KCNIP1: variants seen among roughly 807,000 people sequenced by gnomAD.
KCNIP1 encodes potassium voltage-gated channel interacting protein 1, also known as A-type potassium channel modulatory protein KCNIP1.
Under a neutral mutation model 33.0 loss-of-function variants are expected in KCNIP1, and 18 were observed. That is an observed-to-expected ratio of 0.55 (90% confidence interval 0.38 to 0.81). KCNIP1 has a LOEUF of 0.81. KCNIP1 is among the 30% of genes least tolerant of loss of function. The pLI, the probability that KCNIP1 is intolerant of heterozygous loss-of-function variation, is 0.00. For missense variants in KCNIP1, 238 were observed against 271.6 expected (o/e 0.88, Z 0.87); for synonymous variants, 93 against 98.3 (o/e 0.95, Z 0.32).
At position 170,426,828 on chromosome 5, in the gene KCNIP1, C is replaced by T. The variant is rs527844051; in HGVS notation, c.88+72864C>T. On this transcript the variant is annotated intron_variant, in intron 1 of 7. Coordinates refer to the KCNIP1 transcript ENST00000377360. ...TTCGTAGAGGGTGGAGCTGAGAGCC[C>T]GCCTCCCCTACCAGCCTGCAGAAAG... 3.3e-5 allele frequency among the ~76,000 whole-genome samples: 5 copies of T among 152,352 alleles called. No homozygotes were observed. In the East Asian group the frequency reaches 5.8e-4, roughly 18 times the overall value.
intron 1 of KCNIP1, among the ~76,000 whole-genome samples, chr5:170,368,345 A>G (rs1007158175): frequency 2.9e-4 from 44 of 152,082 alleles, no homozygotes; most frequent in Admixed American, 2.9e-3. Context: ...GCTCACTGCA[A>G]CCTCTGCTTC....
intron 1 of KCNIP1, among the ~76,000 whole-genome samples, chr5:170,472,329 G>A (rs573697528): frequency 1.1e-4 from 17 of 152,344 alleles, no homozygotes; most frequent in African/African-American, 3.8e-4. Context: ...ATTGACGCTG[G>A]GGCGGCGCCT....
Position 170,732,853 on chromosome 5 carries a change from T to C in KCNIP1, c.489T>C (p.Tyr163=). Reference sequence around the variant, plus strand: ...ATGACATGATGGGGAAATACACATATCCTGTGCTCAAAGAGGACACTCCAA... The same window carrying C: ...ATGACATGATGGGGAAATACACATACCCTGTGCTCAAAGAGGACACTCCAA... ...AIYDMMGKYT[Y]PVLKEDTPRQ... is the part of the protein sequence containing the mutation. Residue 163 remains tyrosine (Y), a synonymous_variant, in exon 6 of 8, where the codon TAT becomes TAC. Transcript: ENST00000328939. 3.1e-6 allele frequency: 5 copies of C among 1,613,810 alleles called. No homozygotes were observed. Among genetic ancestry groups the C allele is most frequent in the Non-Finnish European group, 4.2e-6 (5 of 1,179,840 alleles).
chr5:170,385,832 C>T (rs1764446041), intron 1 of KCNIP1, among the ~76,000 whole-genome samples: 1 of 151,928 alleles, frequency 6.6e-6, no homozygotes, highest in African/African-American at 2.4e-5. Flanking sequence ...GATAAAGGCT[C>T]TTGAAGGCCA....
chr5:170,707,298 G>C (rs1763290459), intron 1 of KCNIP1, among the ~76,000 whole-genome samples: 1 of 152,186 alleles, frequency 6.6e-6, no homozygotes, highest in South Asian at 2.1e-4. Flanking sequence ...CTGGCCATGG[G>C]CTTAGCTGGA....
intron 1 of KCNIP1, among the ~76,000 whole-genome samples, chr5:170,561,825 C>T (rs903615966): frequency 6.6e-6 from 1 of 152,178 alleles, no homozygotes; most frequent in Non-Finnish European, 1.5e-5. Flanking sequence ...GAGACCTGCC[C>T]CCACAGAGTG....
chr5:170,706,631 C>T (rs1371644329), intron 1 of KCNIP1, among the ~76,000 whole-genome samples: 2 of 152,196 alleles, frequency 1.3e-5, no homozygotes, highest in Non-Finnish European at 2.9e-5. Flanking sequence ...CTTAGCCTGA[C>T]CTGGACCCAG....
intron 1 of KCNIP1, among the ~76,000 whole-genome samples, chr5:170,554,499 G>A (rs1244395298): frequency 6.6e-6 from 1 of 152,202 alleles, no homozygotes; most frequent in African/African-American, 2.4e-5. Context: ...AAGCGAGGGA[G>A]CAGCTCTTGA....
chr5:170,401,683 G>A (rs1398240675), intron 1 of KCNIP1, among the ~76,000 whole-genome samples: 2 of 151,760 alleles, frequency 1.3e-5, no homozygotes. Flanking sequence ...GATGGCTTGA[G>A]CCCAGGAAGT....
upstream of KCNIP1, among the ~76,000 whole-genome samples, chr5:170,502,163 T>G (rs902373671): frequency 2.6e-5 from 4 of 152,190 alleles, no homozygotes; most frequent in African/African-American, 9.7e-5. Flanking sequence ...GGGGTAATGA[T>G]CAGGCACCTG....
intron 1 of KCNIP1, among the ~76,000 whole-genome samples, chr5:170,488,848 A>G (rs913945721): frequency 3.3e-5 from 5 of 152,192 alleles, no homozygotes; most frequent in African/African-American, 9.7e-5. Context: ...CAGAGGACCC[A>G]GAGAAGGGAG....
At chr5:170,565,367 C>G (rs543771233) in intron 1 of KCNIP1, among the ~76,000 whole-genome samples, 10 of 152,246 alleles carry the variant, frequency 6.6e-5, no homozygotes, top group Non-Finnish European at 1.3e-4. Context: ...AACCAATAAT[C>G]AAATCAGTAT....
chr5:170,671,039 G>A (rs1193526942), intron 1 of KCNIP1, among the ~76,000 whole-genome samples: 1 of 152,042 alleles, frequency 6.6e-6, no homozygotes, highest in Non-Finnish European at 1.5e-5. Context: ...ACACCACCTT[G>A]TCACTGTGTC....
intron 1 of KCNIP1, among the ~76,000 whole-genome samples, chr5:170,702,667 C>A (rs13189877): frequency 0.16 from 24,442 of 152,060 alleles, 2,374 homozygotes; most frequent in African/African-American, 0.27. Flanking sequence ...AGAGTGGGCC[C>A]AGCAGAGACC....
At chr5:170,633,191 C>G (rs1028928522) in intron 1 of KCNIP1, among the ~76,000 whole-genome samples, 4 of 152,050 alleles carry the variant, frequency 2.6e-5, no homozygotes, top group Admixed American at 1.3e-4. Flanking sequence ...GGGGCGCCAC[C>G]TGGCGTCCAG....
intron 2 of KCNIP1, 30 bp downstream of exon 2, chr5:170,718,912 G>C (rs775378266): frequency 1.9e-6 from 3 of 1,595,336 alleles, no homozygotes; most frequent in Admixed American, 1.8e-5. Context: ...TGAAGGCCTG[G>C]GGGGGGTTCC....
At chr5:170,488,963 G>T (rs73803722) in intron 1 of KCNIP1, among the ~76,000 whole-genome samples, 365 of 152,282 alleles carry the variant, frequency 2.4e-3, no homozygotes, top group African/African-American at 8.3e-3. Context: ...TGAGGTGTGG[G>T]GTGTAATTAC....
At chr5:170,680,143 G>A (rs34872671) in intron 1 of KCNIP1, among the ~76,000 whole-genome samples, 41 of 152,226 alleles carry the variant, frequency 2.7e-4, no homozygotes, top group African/African-American at 7.7e-4. Flanking sequence ...TCTTATTTGC[G>A]TTAAGTTTAT....
chr5:170,467,861 T>C (rs536565028), intron 1 of KCNIP1, among the ~76,000 whole-genome samples: 19 of 134,860 alleles, frequency 1.4e-4, no homozygotes, highest in Non-Finnish European at 2.3e-4. Context: ...GAGGTTGCAG[T>C]GAGCTGAGAT....
Sources: gnomAD v4.1 joint callset for allele counts (sites outside exome capture counted in the v4.1 genomes callset) on GRCh38, gnomAD v4.1.1 for gene constraint, MANE v1.5 for transcripts, NCBI Gene and HGNC (gene_info 2026-07-23, HGNC 2026-07-21) for gene names.